The following NOL4L variants were observed in gnomAD, a reference collection of about 807,000 sequenced individuals.
The protein encoded by NOL4L is nucleolar protein 4 like, also known as nucleolar protein 4-like.
Under a neutral mutation model 64.5 loss-of-function variants are expected in NOL4L, and 7 were observed. The ratio of observed to expected loss-of-function variants is 0.11; its 90% CI spans 0.06 to 0.20. The LOEUF (loss-of-function observed/expected upper bound fraction) is 0.20, where lower values mean the gene tolerates loss of function less well. Among genes scored for constraint, NOL4L ranks in the 10% least tolerant of loss-of-function variants. The probability of loss-of-function intolerance (pLI) is 1.00; values close to 1 mark genes in which losing one functional copy is unlikely to be tolerated. For missense variants in NOL4L, 680 were observed against 967.1 expected, an observed-to-expected ratio of 0.70 and a Z score of 3.94; for synonymous variants, 413 against 401.0, an observed-to-expected ratio of 1.03 and a Z score of -0.36.
chr20:32,545,530 C>T (rs2018719969), intron 1 of NOL4L, among the ~76,000 whole-genome samples: 1 of 152,198 alleles, frequency 6.6e-6, no homozygotes. Context: ...TCCATCCACT[C>T]ATCCAGCAAG....
intron 4 of NOL4L, chr20:32,483,394 G>T: frequency 1.0e-6 from 1 of 985,838 alleles, no homozygotes; most frequent in Non-Finnish European, 1.2e-6. Flanking sequence ...ATGGGCGGTC[G>T]GGATCCGCGA....
intron 1 of NOL4L, chr20:32,561,019 G>A (rs1035669724): frequency 6.6e-6 from 1 of 152,362 alleles, no homozygotes. Flanking sequence ...GCAGAGCCAC[G>A]GCGGCATGAC....
chr20:32,459,053 G>T (rs1465303664), intron 5 of NOL4L, among the ~76,000 whole-genome samples: 2 of 152,234 alleles, frequency 1.3e-5, no homozygotes, highest in African/African-American at 4.8e-5. Context: ...TAGTGCCGGG[G>T]CAGAACCTCC....
In NOL4L at chr20:32,453,787, G is replaced by A; in HGVS notation, c.1120-26C>T. The A allele has an allele frequency of 6.5e-7, 1 of 1,548,486 alleles. No individual in the cohort carries two copies. The highest frequency in any genetic ancestry group is 8.7e-7 in the Non-Finnish European group (1 of 1,144,532). On this transcript the variant is annotated intron_variant, in intron 6 of 10. Transcript: ENST00000621426. The surrounding 1 kb of genome is among the most constrained non-coding windows in gnomAD (Gnocchi z 5.6). The stretch of plus-strand genomic sequence containing the variant: ...CTAAAAGGAGGGCAAGAGGCAGAGG[G>A]TTGGGCCAAGCAGCTGCTCAAGCCC...
chr20:32,550,604 G>A (rs191487851), intron 1 of NOL4L, among the ~76,000 whole-genome samples: 92 of 152,208 alleles, frequency 6.0e-4, no homozygotes, highest in African/African-American at 1.9e-3. Flanking sequence ...AAAAGTGGCC[G>A]GGCGCAGTGG....
chr20:32,583,653 C>G (rs957572511), intron 1 of NOL4L, among the ~76,000 whole-genome samples: 1 of 149,808 alleles, frequency 6.7e-6, no homozygotes, highest in African/African-American at 2.4e-5. Context: ...GCCGCCCCCC[C>G]CCCAGCCCCC....
At chr20:32,532,513 A>C in intron 1 of NOL4L, 1 of 284,906 alleles carries the variant, frequency 3.5e-6, no homozygotes, top group Non-Finnish European at 5.3e-6. Context: ...TTCATGCTAA[A>C]TGCTGCAGGG....
At chr20:32,540,142 C>A (rs777353414) in intron 1 of NOL4L, among the ~76,000 whole-genome samples, 8 of 152,210 alleles carry the variant, frequency 5.3e-5, no homozygotes, top group Non-Finnish European at 1.0e-4. Flanking sequence ...CTGACCCCTT[C>A]GCCTCTGCAC....
rs1568647448 is a variant in NOL4L at position 32,488,772 on chromosome 20, TTCCTTCCTTCCTTCCTTC to T, written c.700-14048_700-14031del. On this transcript the variant is annotated intron_variant, in intron 4 of 10. Coordinates refer to ENST00000621426, the MANE Select transcript of NOL4L (RefSeq NM_001256798.2). ...TTTCCTTCCTTCCTTCCTTCCTTCC[TTCCTTCCTTCCTTCCTTC>T]CTTTCTTTCTTTCTTTTTCTTTCTT... Among the ~76,000 whole-genome samples the T allele has an allele frequency of 2.2e-4, 12 of 54,036 alleles. No individual in the cohort carries two copies. In the African/African-American group the frequency reaches 2.3e-3, roughly 11 times the overall value. The allele number at this position is 54,036 out of a possible 152,430, so 35.4% of individuals were successfully genotyped here. A position where few individuals can be genotyped will look rare whatever the true frequency, so the allele number is the denominator to read the frequency against.
intron 1 of NOL4L, chr20:32,536,326 C>A (rs1482916032): frequency 8.1e-6 from 8 of 985,008 alleles, no homozygotes; most frequent in Admixed American, 6.1e-5. Flanking sequence ...GCGCCCTGGG[C>A]GCGCTAACGA....
chr20:32,551,045 G>C (rs546373623), intron 1 of NOL4L, among the ~76,000 whole-genome samples: 1 of 152,032 alleles, frequency 6.6e-6, no homozygotes, highest in African/African-American at 2.4e-5. Flanking sequence ...GACAGAGCAA[G>C]ACTCCATCTC....
Position 32,460,684 on chromosome 20 carries a change from G to A in NOL4L, c.842-4289C>T, listed in dbSNP as rs547251009. On this transcript the variant is annotated intron_variant, in intron 5 of 10. Transcript: ENST00000621426. The surrounding 1 kb of genome is among the most constrained non-coding windows in gnomAD (Gnocchi z 5.7). ...ACATCATAACTCACCCACTGCCGAC[G>A]CACGAGGCTCCCAGACTGCAACGGG... 3.9e-5 allele frequency among the ~76,000 whole-genome samples: 6 copies of A among 152,124 alleles called. No individual in the cohort carries two copies. Among genetic ancestry groups the A allele is most frequent in the South Asian group, 2.1e-4 (1 of 4,834 alleles).
At chr20:32,511,553 C>A in intron 3 of NOL4L, 97 bp from the exon 4 acceptor site, 1 of 799,704 alleles carries the variant, frequency 1.3e-6, no homozygotes, top group Admixed American at 2.3e-5. Flanking sequence ...AGGAAGCCAC[C>A]TTGGAGGAGA....
intron 2 of NOL4L, among the ~76,000 whole-genome samples, chr20:32,526,817 G>A (rs191277576): frequency 6.6e-6 from 1 of 152,316 alleles, no homozygotes; most frequent in Non-Finnish European, 1.5e-5. Flanking sequence ...GCTTGAATGA[G>A]CATGAAGGGC....
At chr20:32,500,538 CTTTTTTT>C (rs35172494) in intron 4 of NOL4L, among the ~76,000 whole-genome samples, 3 of 129,566 alleles carry the variant, frequency 2.3e-5, no homozygotes, top group Non-Finnish European at 5.0e-5. Flanking sequence ...GTATTTCTTT[CTTTTTTT>C]TTTTTTTTTT....
At chr20:32,582,689 T>TGGGGG (rs1031509846) in intron 1 of NOL4L, among the ~76,000 whole-genome samples, 2 of 11,980 alleles carry the variant, frequency 1.7e-4, no homozygotes, top group Non-Finnish European at 3.2e-4. Flanking sequence ...GTAACCAGGA[T>TGGGGG]GGGGGGGTGG....
At chr20:32,494,333 G>A (rs960423003) in intron 4 of NOL4L, among the ~76,000 whole-genome samples, 1 of 143,910 alleles carries the variant, frequency 6.9e-6, no homozygotes, top group Non-Finnish European at 1.5e-5. Context: ...CTCTAAAGCC[G>A]AGCCTCAGTT....
At chr20:32,495,360 C>T (rs1209678915) in intron 4 of NOL4L, among the ~76,000 whole-genome samples, 1 of 152,208 alleles carries the variant, frequency 6.6e-6, no homozygotes, top group Non-Finnish European at 1.5e-5. Flanking sequence ...TGTGCTGGAT[C>T]GAGCCCCTCT....
At chr20:32,541,828 C>G (rs1238769309) in intron 1 of NOL4L, among the ~76,000 whole-genome samples, 1 of 152,236 alleles carries the variant, frequency 6.6e-6, no homozygotes, top group African/African-American at 2.4e-5. Context: ...AAATCCATGA[C>G]AATTTAGATG....
Sources: allele counts gnomAD v4.1 joint callset (sites outside exome capture counted in the v4.1 genomes callset), GRCh38; gene constraint gnomAD v4.1.1; non-coding constraint Gnocchi (gnomAD v3.1); transcripts MANE v1.5; gene names NCBI Gene and HGNC (gene_info 2026-07-23, HGNC 2026-07-21).